The following HEATR4 variants were observed in gnomAD, a reference collection of about 807,000 sequenced individuals.
HEATR4 encodes HEAT repeat-containing protein 4.
HEATR4 carries 95 observed loss-of-function variants against 108.8 expected under a neutral mutation model. The ratio of observed to expected loss-of-function variants is 0.87; its 90% confidence interval spans 0.74 to 1.04. The LOEUF (loss-of-function observed/expected upper bound fraction) is 1.04, where lower values mean the gene tolerates loss of function less well. HEATR4 is among the 50% of genes least tolerant of loss of function. The pLI is 0.00. For synonymous variants in HEATR4, 443 were observed against 459.4 expected (o/e 0.96, Z 0.46); for missense variants, 1,152 against 1,253.8 (o/e 0.92, Z 1.23).
At chr14:73,576,826 T>C in the HEATR4 span, among the ~76,000 whole-genome samples, 30 of 76,192 alleles carry the variant, frequency 3.9e-4, 1 homozygote, top group African/African-American at 1.4e-3. Flanking sequence ...AAAAAGACAA[T>C]ATTTATATCA....
chr14:73,613,238 C>G, the HEATR4 span, among the ~76,000 whole-genome samples: 1 of 152,154 alleles, frequency 6.6e-6, no homozygotes, highest in East Asian at 1.9e-4. Flanking sequence ...CTCCTGGGCT[C>G]AAGTCCTCTC....
chr14:73,615,508 A>G, the HEATR4 span, among the ~76,000 whole-genome samples: 411 of 151,538 alleles, frequency 2.7e-3, 2 homozygotes, highest in African/African-American at 9.6e-3. Context: ...AGGTGGGCGG[A>G]TCATCTGAGG....
At chr14:73,593,428 T>C in the HEATR4 span, among the ~76,000 whole-genome samples, 1 of 141,220 alleles carries the variant, frequency 7.1e-6, no homozygotes, top group African/African-American at 2.6e-5. Flanking sequence ...AGCCTTGACC[T>C]CTGGGGCTCA....
Position 73,509,322 on chromosome 14 carries a change from G to A in HEATR4, c.1710C>T (p.Ala570=). The stretch of plus-strand genomic sequence containing the variant: ...CAGGGAGTTACTCACCCTTCAGAAG[G>A]GCAGTCTGCATGATGTTCCGGGCAA... ...NPLARNIMQT[A]LLKGNSVDSW... is the part of the protein sequence containing the mutation. Residue 570 remains alanine (A), a synonymous_variant, in exon 8 of 18, where the codon GCC becomes GCT. Coordinates refer to ENST00000553558, the MANE Select transcript of HEATR4 (RefSeq NM_001220484.1). The A allele has an allele frequency of 6.2e-7, 1 of 1,614,012 alleles. No individual in the cohort carries two copies. Among genetic ancestry groups the A allele is most frequent in the Non-Finnish European group, 8.5e-7 (1 of 1,179,970 alleles).
intron 11 of HEATR4, among the ~76,000 whole-genome samples, chr14:73,501,700 A>G (rs1300227153): frequency 6.7e-6 from 1 of 150,184 alleles, no homozygotes; most frequent in East Asian, 2.0e-4. Context: ...TCAGCCTCCC[A>G]AGTAGCTGGG....
At chr14:73,511,376 A>G (rs142845495) in intron 7 of HEATR4, among the ~76,000 whole-genome samples, 2,845 of 151,816 alleles carry the variant, frequency 0.019, 57 homozygotes, top group African/African-American at 0.04. Context: ...TGAGCTGGGC[A>G]TGGTGGCACA....
the HEATR4 span, among the ~76,000 whole-genome samples, chr14:73,565,027 C>T: frequency 6.6e-6 from 1 of 151,992 alleles, no homozygotes; most frequent in African/African-American, 2.4e-5. Flanking sequence ...ACACTGATTT[C>T]ATTTATGACA....
In HEATR4 at chr14:73,483,950, G is replaced by T. The variant is rs920039952; in HGVS notation, c.2845-5108C>A. ...GCTCACTGCAACCTCCGCCTCTCAG[G>T]TTCAAGCGATTATCCTGTCTCAGCC... On this transcript the variant is annotated intron_variant, in intron 17 of 17. Transcript: ENST00000553558. Among the ~76,000 whole-genome samples the T allele has an allele frequency of 3.9e-5, 6 of 151,952 alleles. No homozygotes were observed. In the East Asian group the frequency reaches 9.7e-4, roughly 25 times the overall value.
chr14:73,498,015 G>T, intron 14 of HEATR4, 140 bp downstream of exon 14: 1 of 695,522 alleles, frequency 1.4e-6, no homozygotes, highest in Non-Finnish European at 2.4e-6. Context: ...TTACCTACTT[G>T]GGTGAGTGGT....
At chr14:73,619,204 G>A in the HEATR4 span, 2 of 1,527,468 alleles carry the variant, frequency 1.3e-6, no homozygotes, top group Non-Finnish European at 1.8e-6. Flanking sequence ...TGAATTCTAA[G>A]CTTGTTTTCC....
chr14:73,528,749 T>C (rs1888517429), intron 2 of HEATR4, among the ~76,000 whole-genome samples: 1 of 152,132 alleles, frequency 6.6e-6, no homozygotes, highest in Non-Finnish European at 1.5e-5. Flanking sequence ...CTAAAATATA[T>C]GTGTGAGGAA....
Position 73,492,804 on chromosome 14 carries a change from A to G in HEATR4, c.2844+262T>C, listed in dbSNP as rs1207118493. The G allele has an allele frequency of 6.2e-7, 1 of 1,613,920 alleles. No homozygotes were observed. Among genetic ancestry groups the G allele is most frequent in the South Asian group, 1.1e-5 (1 of 91,080 alleles). The stretch of plus-strand genomic sequence containing the variant: ...TACCCCCAGCAAGCTGATGCCATGG[A>G]ACTGTTGCTTGGTTCTTATCCAGAG... On this transcript the variant is annotated intron_variant, in intron 17 of 17. Transcript: ENST00000553558. The surrounding 1 kb of genome is among the most constrained non-coding windows in gnomAD (Gnocchi z 4.9).
intron 12 of HEATR4, among the ~76,000 whole-genome samples, chr14:73,499,354 G>A (rs1222461905): frequency 2.0e-5 from 3 of 152,106 alleles, no homozygotes; most frequent in South Asian, 2.1e-4. Context: ...GGTGTCACAC[G>A]CCTGTAATCC....
At chr14:73,574,508 C>T in the HEATR4 span, 1 of 346,236 alleles carries the variant, frequency 2.9e-6, no homozygotes, top group South Asian at 2.8e-5. Context: ...AATGATCCAC[C>T]CGCCTCAGCC....
upstream of HEATR4, among the ~76,000 whole-genome samples, chr14:73,560,839 A>G (rs1419139687): frequency 6.6e-6 from 1 of 151,924 alleles, no homozygotes; most frequent in Admixed American, 6.6e-5. Context: ...ACCCTGTTGA[A>G]GGTTCCTCAA....
chr14:73,545,084 G>A (rs1462089526), intron 1 of HEATR4, among the ~76,000 whole-genome samples: 1 of 106,246 alleles, frequency 9.4e-6, no homozygotes, highest in Non-Finnish European at 2.0e-5. Context: ...TTGGAGGCAG[G>A]GTCTCATTCT....
intron 2 of HEATR4, among the ~76,000 whole-genome samples, chr14:73,526,719 A>G (rs145098760): frequency 6.6e-6 from 1 of 152,218 alleles, no homozygotes; most frequent in Non-Finnish European, 1.5e-5. Context: ...CTGATGGGTC[A>G]GATTTATCCT....
At chr14:73,600,313 T>C in the HEATR4 span, among the ~76,000 whole-genome samples, 1 of 152,268 alleles carries the variant, frequency 6.6e-6, no homozygotes, top group Admixed American at 6.6e-5. Context: ...TTATTTTCCA[T>C]AAGAAAATGA....
At chr14:73,613,949 G>A in the HEATR4 span, among the ~76,000 whole-genome samples, 1 of 150,584 alleles carries the variant, frequency 6.6e-6, no homozygotes, top group South Asian at 2.1e-4. Flanking sequence ...CAGCACTTTG[G>A]GAGGCTGAGG....
Sources: gnomAD v4.1 joint callset for allele counts (sites outside exome capture counted in the v4.1 genomes callset) on GRCh38, gnomAD v4.1.1 for gene constraint, Gnocchi (gnomAD v3.1) non-coding constraint, MANE v1.5 for transcripts, NCBI Gene and HGNC (gene_info 2026-07-23, HGNC 2026-07-21) for gene names.